The following NSMCE2 variants were observed in gnomAD, a reference collection of about 807,000 sequenced individuals.
NSMCE2 encodes E3 SUMO-protein ligase NSE2.
In NSMCE2, 24 loss-of-function variants were observed where a neutral mutation model predicts 23.8. The observed-to-expected ratio is 1.01, with a 90% CI of 0.73 to 1.42. The LOEUF (loss-of-function observed/expected upper bound fraction) is 1.42. NSMCE2 is among the 40% of genes most tolerant of loss of function. The pLI is 0.00. For missense variants in NSMCE2, 284 were observed against 296.5 expected, an observed-to-expected ratio of 0.96 and a Z score of 0.31; for synonymous variants, 92 against 94.1, an observed-to-expected ratio of 0.98 and a Z score of 0.13.
chr8:125,107,755 T>C (rs2130400992), intron 3 of NSMCE2, among the ~76,000 whole-genome samples: 1 of 152,278 alleles, frequency 6.6e-6, no homozygotes, highest in Admixed American at 6.5e-5. Flanking sequence ...GTAAATAAGC[T>C]AGGCCTGGTG....
chr8:125,158,934 T>C (rs187970871), intron 4 of NSMCE2, among the ~76,000 whole-genome samples: 7 of 152,332 alleles, frequency 4.6e-5, no homozygotes, highest in African/African-American at 1.7e-4. Context: ...TCACTGGTTG[T>C]CTACAGTTTC....
chr8:125,151,758 A>C (rs149912018), intron 4 of NSMCE2, among the ~76,000 whole-genome samples: 1 of 152,224 alleles, frequency 6.6e-6, no homozygotes, highest in South Asian at 2.1e-4. Context: ...CCAGAAGCCA[A>C]ACTTATCTTT....
chr8:125,308,682 A>C (rs1828854604), intron 5 of NSMCE2, among the ~76,000 whole-genome samples: 1 of 152,192 alleles, frequency 6.6e-6, no homozygotes, highest in African/African-American at 2.4e-5. Context: ...ACACAAAAGC[A>C]TCTGCAAATT....
At chr8:125,328,218 C>T (rs115580420) in intron 5 of NSMCE2, among the ~76,000 whole-genome samples, 1 of 150,042 alleles carries the variant, frequency 6.7e-6, no homozygotes, top group African/African-American at 2.5e-5. Flanking sequence ...ATCATGTCCA[C>T]AAGAAACAAT....
At chr8:125,111,743 C>T (rs779817401) in intron 3 of NSMCE2, among the ~76,000 whole-genome samples, 51 of 151,952 alleles carry the variant, frequency 3.4e-4, no homozygotes, top group Non-Finnish European at 6.3e-4. Context: ...GAGGTTGCAG[C>T]GAGCCGAGAT....
In NSMCE2 at chr8:125,307,817, A is replaced by G. The variant is rs572725380; in HGVS notation, c.419-49402A>G. Among the ~76,000 whole-genome samples, 17 of 152,314 alleles carry G rather than the reference A, an allele frequency of 1.1e-4. No individual in the cohort carries two copies. The South Asian group carries it at 3.5e-3, about 32-fold the overall frequency. On this transcript the variant is annotated intron_variant, in intron 5 of 7. Transcript: ENST00000287437. ...AATTGCTTAAGAGTTAAAAACGATTACTGTGGTCTCAGAGGACAGACACCA... is the reference window on the plus strand; with the variant it reads ...AATTGCTTAAGAGTTAAAAACGATTGCTGTGGTCTCAGAGGACAGACACCA...
At chr8:125,246,253 G>A (rs899660613) in intron 5 of NSMCE2, among the ~76,000 whole-genome samples, 1 of 149,764 alleles carries the variant, frequency 6.7e-6, no homozygotes, top group Non-Finnish European at 1.5e-5. Flanking sequence ...TCGCAATCTC[G>A]GCTCACTGCA....
intron 5 of NSMCE2, among the ~76,000 whole-genome samples, chr8:125,213,889 A>G (rs973631807): frequency 7.9e-5 from 12 of 152,044 alleles, no homozygotes; most frequent in African/African-American, 2.4e-4. Context: ...TATTCTGACC[A>G]TTCCCTTTTG....
At chr8:125,355,948 G>T (rs1813253947) in intron 5 of NSMCE2, among the ~76,000 whole-genome samples, 1 of 152,138 alleles carries the variant, frequency 6.6e-6, no homozygotes, top group Admixed American at 6.5e-5. Context: ...TCACTCAGCA[G>T]TTCTCAAAGT....
intron 5 of NSMCE2, among the ~76,000 whole-genome samples, chr8:125,313,449 T>C (rs1182621190): frequency 1.3e-5 from 2 of 152,094 alleles, no homozygotes; most frequent in Admixed American, 1.3e-4. Context: ...GAAAACACTT[T>C]AAAGAAGGAA....
chr8:125,117,034 C>T (rs1485218642), intron 3 of NSMCE2, among the ~76,000 whole-genome samples: 3 of 151,238 alleles, frequency 2.0e-5, no homozygotes, highest in African/African-American at 7.3e-5. Flanking sequence ...ACTACAGGCG[C>T]TCTCCTCTAA....
intron 5 of NSMCE2, among the ~76,000 whole-genome samples, chr8:125,230,328 C>G (rs1825272125): frequency 6.6e-6 from 1 of 152,180 alleles, no homozygotes; most frequent in Non-Finnish European, 1.5e-5. Flanking sequence ...AGAACCCTTT[C>G]AATTTAACAA....
At chr8:125,215,888 G>A (rs540343190) in intron 5 of NSMCE2, among the ~76,000 whole-genome samples, 1 of 152,294 alleles carries the variant, frequency 6.6e-6, no homozygotes, top group East Asian at 1.9e-4. Context: ...TTCAACACCA[G>A]CTTGGGCAAC....
At chr8:125,221,749 A>T (rs963158893) in intron 5 of NSMCE2, among the ~76,000 whole-genome samples, 12 of 152,228 alleles carry the variant, frequency 7.9e-5, no homozygotes, top group Admixed American at 6.5e-4. Flanking sequence ...ATTTTATACA[A>T]TGTTTTTAAT....
Position 125,124,476 on chromosome 8 carries a change from C to G in NSMCE2, c.157+21989C>G, listed in dbSNP as rs1380445728. 3.0e-4 allele frequency among the ~76,000 whole-genome samples: 46 copies of G among 151,880 alleles called. 1 individual carries two copies. The highest frequency in any genetic ancestry group is 2.4e-4 in the Non-Finnish European group (16 of 67,940). On this transcript the variant is annotated intron_variant, in intron 3 of 7. Transcript: ENST00000287437. ...AAAGTGGATTCCTCAGGATTTCTCT[C>G]TCTCTCTCTCTCTCTCTCTCTCAAC...
intron 3 of NSMCE2, among the ~76,000 whole-genome samples, chr8:125,123,607 AACAC>A (rs145276147): frequency 1.3e-5 from 2 of 152,004 alleles, no homozygotes; most frequent in Non-Finnish European, 2.9e-5. Flanking sequence ...CACGCACACA[AACAC>A]ACACACACAA....
At chr8:125,314,264 G>GTGTTTTT (rs766408090) in intron 5 of NSMCE2, among the ~76,000 whole-genome samples, 1 of 150,840 alleles carries the variant, frequency 6.6e-6, no homozygotes, top group Non-Finnish European at 1.5e-5. Context: ...AAGGAGCCTT[G>GTGTTTTT]TGTTTTGTTT....
At chr8:125,218,815 A>G (rs189534275) in intron 5 of NSMCE2, among the ~76,000 whole-genome samples, 1 of 152,328 alleles carries the variant, frequency 6.6e-6, no homozygotes, top group Admixed American at 6.5e-5. Flanking sequence ...ACTTGACACT[A>G]ATGAACCATA....
chr8:125,285,781 A>G (rs978833130), intron 5 of NSMCE2, among the ~76,000 whole-genome samples: 8 of 143,502 alleles, frequency 5.6e-5, no homozygotes, highest in Admixed American at 5.5e-4. Context: ...CACACACACA[A>G]AGCTATACAC....
Sources: gnomAD v4.1 joint callset for allele counts (sites outside exome capture counted in the v4.1 genomes callset) on GRCh38, gnomAD v4.1.1 for gene constraint, MANE v1.5 for transcripts, NCBI Gene and HGNC (gene_info 2026-07-23, HGNC 2026-07-21) for gene names.